CDKAL1: variants seen among roughly 807,000 people sequenced by gnomAD.
The protein encoded by CDKAL1 is threonylcarbamoyladenosine tRNA methylthiotransferase.
Under a neutral mutation model 68.2 loss-of-function variants are expected in CDKAL1, and 32 were observed. The ratio of observed to expected loss-of-function variants is 0.47; its 90% CI spans 0.35 to 0.63. The LOEUF (loss-of-function observed/expected upper bound fraction) is 0.63. CDKAL1 is among the 30% of genes least tolerant of loss of function. The pLI, the probability that CDKAL1 is intolerant of heterozygous loss-of-function variation, is 0.00. For missense variants in CDKAL1, 606 were observed against 696.7 expected (o/e 0.87, Z 1.47); for synonymous variants, 234 against 244.3 (o/e 0.96, Z 0.39).
In CDKAL1 at chr6:20,913,116, TACACACACACACACACAC is replaced by T. The variant is rs70990080; in HGVS notation, c.743-42277_743-42260del. ...ATAGAACCATTGAACCACAGTTGTT[TACACACACACACACACAC>T]ACACACACACACACACACACACACA... On this transcript the variant is annotated intron_variant, in intron 9 of 15. Coordinates refer to ENST00000274695, the MANE Select transcript of CDKAL1 (RefSeq NM_017774.3). Among the ~76,000 whole-genome samples, 636 of 136,540 alleles carry T rather than the reference TACACACACACACACACAC, an allele frequency of 4.7e-3. 5 individuals carry two copies. Among genetic ancestry groups the T allele is most frequent in the African/African-American group, 0.017 (593 of 35,242 alleles). The allele number at this position is 136,540 out of a possible 152,430, so 89.6% of individuals were successfully genotyped here.
chr6:20,894,209 A>T (rs113742477), intron 9 of CDKAL1, among the ~76,000 whole-genome samples: 1 of 152,096 alleles, frequency 6.6e-6, no homozygotes, highest in African/African-American at 2.4e-5. Context: ...CAACTATTTA[A>T]TTCTTTAAAA....
chr6:20,890,079 C>T (rs1581772843), intron 9 of CDKAL1, among the ~76,000 whole-genome samples: 1 of 152,058 alleles, frequency 6.6e-6, no homozygotes, highest in Admixed American at 6.6e-5. Flanking sequence ...GTAGATTTTC[C>T]ATCAAATAAA....
intron 9 of CDKAL1, among the ~76,000 whole-genome samples, chr6:20,892,586 A>T (rs1581777975): frequency 6.6e-6 from 1 of 152,152 alleles, no homozygotes; most frequent in African/African-American, 2.4e-5. Flanking sequence ...ATATTTATAT[A>T]TTTATATATA....
At chr6:20,823,344 C>T (rs898229906) in intron 8 of CDKAL1, among the ~76,000 whole-genome samples, 7 of 152,066 alleles carry the variant, frequency 4.6e-5, no homozygotes, top group Admixed American at 1.3e-4. Context: ...TAGATTCTAA[C>T]GGATGACATA....
Position 20,875,305 on chromosome 6 carries a change from CAAAAAAA to C in CDKAL1, c.742+29147_742+29153del, listed in dbSNP as rs58717424. Among the ~76,000 whole-genome samples the C allele has an allele frequency of 2.9e-3, 205 of 71,218 alleles. 3 individuals carry two copies. The highest frequency in any genetic ancestry group is 0.012 in the African/African-American group (190 of 16,332). The allele number at this position is 71,218 out of a possible 152,430, so 46.7% of individuals were successfully genotyped here. ...TGGGCGACAGAGCGAGACTCCGTCTCAAAAAAAAAAAAAAAAAAAAAAAAAAGTCTAG... is the reference window on the plus strand; with the variant it reads ...TGGGCGACAGAGCGAGACTCCGTCTCAAAAAAAAAAAAAAAAAAAGTCTAG... On this transcript the variant is annotated intron_variant, in intron 9 of 15. Transcript: ENST00000274695.
intron 9 of CDKAL1, among the ~76,000 whole-genome samples, chr6:20,859,722 A>T (rs1254420537): frequency 1.3e-5 from 2 of 152,240 alleles, no homozygotes; most frequent in African/African-American, 4.8e-5. Context: ...AAAGAACTTG[A>T]GTAGGGCCAG....
At position 20,750,820 on chromosome 6, in the gene CDKAL1, C is replaced by G. The variant is rs564598860; in HGVS notation, c.469-7775C>G. Among the ~76,000 whole-genome samples, 18 of 151,646 alleles carry G rather than the reference C, an allele frequency of 1.2e-4. No individual in the cohort carries two copies. In the East Asian group the frequency reaches 2.7e-3, roughly 23 times the overall value. Reference sequence around the variant, plus strand: ...CTCTGCTAAAAATACAAAAATTAGCCGGGTGTGGTGGCAGGCACCTGTAAT... The same window carrying G: ...CTCTGCTAAAAATACAAAAATTAGCGGGGTGTGGTGGCAGGCACCTGTAAT... On this transcript the variant is annotated intron_variant, in intron 6 of 15. Coordinates refer to ENST00000274695, the MANE Select transcript of CDKAL1 (RefSeq NM_017774.3).
chr6:20,958,631 G>A (rs1764902741), intron 10 of CDKAL1, among the ~76,000 whole-genome samples: 1 of 152,136 alleles, frequency 6.6e-6, no homozygotes. Flanking sequence ...AAAAATAACA[G>A]CAAATGAAGG....
chr6:20,939,027 A>G (rs1300246869), intron 9 of CDKAL1, among the ~76,000 whole-genome samples: 1 of 151,662 alleles, frequency 6.6e-6, no homozygotes, highest in East Asian at 1.9e-4. Flanking sequence ...CTTCTTATTA[A>G]TTTCTTCATT....
chr6:20,870,880 T>C (rs1320543639), intron 9 of CDKAL1, among the ~76,000 whole-genome samples: 3 of 152,224 alleles, frequency 2.0e-5, no homozygotes, highest in Non-Finnish European at 2.9e-5. Context: ...TCAGGACTGT[T>C]ATGGTGCACA....
rs374084017 is a variant in CDKAL1, at chr6:20,763,203, C to T, written c.517+4560C>T. 3.3e-5 allele frequency among the ~76,000 whole-genome samples: 5 copies of T among 152,038 alleles called. No individual in the cohort carries two copies. The South Asian group carries it at 1.0e-3, about 32-fold the overall frequency. Reference sequence around the variant, plus strand: ...AGAGCAAGCTAAGAGTATCCATTCCCGTCTCTCCTTCCCTCCCTGCCTATT... The same window carrying T: ...AGAGCAAGCTAAGAGTATCCATTCCTGTCTCTCCTTCCCTCCCTGCCTATT... On this transcript the variant is annotated intron_variant, in intron 7 of 15. Transcript: ENST00000274695.
chr6:20,976,134 G>A (rs1765835349), intron 10 of CDKAL1, among the ~76,000 whole-genome samples: 1 of 152,014 alleles, frequency 6.6e-6, no homozygotes, highest in Admixed American at 6.6e-5. Context: ...ACCCTTTTCA[G>A]ATTAGCTTCT....
chr6:20,609,419 G>C (rs1406760551), intron 4 of CDKAL1, among the ~76,000 whole-genome samples: 1 of 113,286 alleles, frequency 8.8e-6, no homozygotes, highest in East Asian at 3.0e-4. Context: ...TTTTTGAGAT[G>C]GAATCTCACT....
chr6:20,968,751 CT>C (rs1765451150), intron 10 of CDKAL1, among the ~76,000 whole-genome samples: 1 of 151,806 alleles, frequency 6.6e-6, no homozygotes, highest in African/African-American at 2.4e-5. Context: ...CTATATGGTT[CT>C]TTTTTATTAT....
At chr6:20,590,872 A>C (rs1765563068) in intron 4 of CDKAL1, among the ~76,000 whole-genome samples, 1 of 152,190 alleles carries the variant, frequency 6.6e-6, no homozygotes, top group South Asian at 2.1e-4. Context: ...GTGTATACCG[A>C]GTAATGGGGT....
intron 4 of CDKAL1, among the ~76,000 whole-genome samples, chr6:20,621,696 C>A (rs1233457438): frequency 1.3e-5 from 2 of 151,058 alleles, no homozygotes; most frequent in East Asian, 1.9e-4. Context: ...TTAAATTGAT[C>A]TAGCTTTGGC....
chr6:20,798,178 C>G (rs936665480), intron 8 of CDKAL1, among the ~76,000 whole-genome samples: 9 of 151,824 alleles, frequency 5.9e-5, no homozygotes, highest in Non-Finnish European at 1.0e-4. Context: ...GAGAAGAGAT[C>G]AAGGATTTTT....
chr6:20,589,531 T>C (rs6935317), intron 4 of CDKAL1, among the ~76,000 whole-genome samples: 122,814 of 152,118 alleles, frequency 0.81, 49,932 homozygotes, highest in Middle Eastern at 0.91. Context: ...TTTCCTTTGG[T>C]AGGTATTCTC....
chr6:21,161,584 A>G (rs1301527023), intron 13 of CDKAL1, among the ~76,000 whole-genome samples: 1 of 152,218 alleles, frequency 6.6e-6, no homozygotes, highest in East Asian at 1.9e-4. Flanking sequence ...TCCACTTAAT[A>G]TATTTATAGG....
Sources: allele counts gnomAD v4.1 joint callset (sites outside exome capture counted in the v4.1 genomes callset), GRCh38; gene constraint gnomAD v4.1.1; transcripts MANE v1.5; gene names NCBI Gene and HGNC (gene_info 2026-07-23, HGNC 2026-07-21).